SBNO2: variants seen among roughly 807,000 people sequenced by gnomAD.
SBNO2 encodes strawberry notch homolog 2.
In SBNO2, 89 loss-of-function variants were observed where a neutral mutation model predicts 146.3. That is an observed-to-expected ratio of 0.61 (90% confidence interval 0.51 to 0.73). The LOEUF is 0.73. Ranked by LOEUF, SBNO2 falls within the 30% of genes least tolerant of loss-of-function variation. The pLI is 0.00. For synonymous variants in SBNO2, 1,147 were observed against 892.6 expected (o/e 1.29, Z -5.08); for missense variants, 2,092 against 2,003.7 (o/e 1.04, Z -0.84).
chr19:1,133,383 T>C lies in SBNO2; in HGVS notation c.280-5618A>G, dbSNP rs113983701. On this transcript the variant is annotated intron_variant, in intron 4 of 31. Coordinates refer to ENST00000361757, the MANE Select transcript of SBNO2 (RefSeq NM_014963.3). ...AGGGCTCGGGACAGTTCTGGGCTTG[T>C]AAGACTCCCGCCAGGGCTCTGAGGG... Among the ~76,000 whole-genome samples the C allele has an allele frequency of 8.0e-3, 1,214 of 152,096 alleles. 2 individuals are homozygous for C. Among genetic ancestry groups the C allele is most frequent in the Non-Finnish European group, 0.014 (961 of 67,916 alleles).
rs143649184 is a variant in SBNO2 at position 1,128,324 on chromosome 19, G to A, written c.280-559C>T. ...GCAGGGGCGGGGGCAGCCACGCCCA[G>A]AGGTGGGGCTCGCCATGGGGATGAC... On this transcript the variant is annotated intron_variant, in intron 4 of 31. Transcript: ENST00000361757. The A allele has an allele frequency of 2.3e-3, 844 of 372,506 alleles. 4 individuals are homozygous for A. Among genetic ancestry groups the A allele is most frequent in the Non-Finnish European group, 3.6e-3 (680 of 189,156 alleles). 23.1% of individuals were successfully genotyped at this position (372,506 alleles called of 1,614,324 possible).
At chr19:1,135,951 G>A (rs987711157) in intron 4 of SBNO2, among the ~76,000 whole-genome samples, 3 of 152,098 alleles carry the variant, frequency 2.0e-5, no homozygotes, top group African/African-American at 7.2e-5. Flanking sequence ...GTGTGATCAT[G>A]TCCTGGCACC....
chr19:1,150,703 G>A lies in SBNO2; in HGVS notation c.94-1261C>T, dbSNP rs1004683667. On this transcript the variant is annotated intron_variant, in intron 2 of 31. Coordinates refer to ENST00000361757, the MANE Select transcript of SBNO2 (RefSeq NM_014963.3). This position sits in a 1 kb window ranked among gnomAD's most constrained non-coding sequence, Gnocchi z 6.2. ...CCCCAGTGACCTCTCCCAGGCCCAC[G>A]TGAGCCCTGCTCCTCTATGAGGCCC... Among the ~76,000 whole-genome samples, 4 of 152,140 alleles carry A rather than the reference G, an allele frequency of 2.6e-5. No individual in the cohort carries two copies. Among genetic ancestry groups the A allele is most frequent in the East Asian group, 3.8e-4 (2 of 5,200 alleles).
At chr19:1,123,367 C>T (rs1253326236) in intron 7 of SBNO2, among the ~76,000 whole-genome samples, 167 bp downstream of exon 7, 3 of 152,250 alleles carry the variant, frequency 2.0e-5, no homozygotes, top group Admixed American at 6.5e-5. Flanking sequence ...CTGCGAACCC[C>T]GGTTTTGTAT....
At chr19:1,132,162 C>T (rs886661013) in intron 4 of SBNO2, 1 of 1,457,840 alleles carries the variant, frequency 6.9e-7, no homozygotes, top group African/African-American at 1.5e-5. Context: ...GGCCAGGGGT[C>T]CCCCAGGAAG....
rs1197589533 is a variant in SBNO2 at position 1,158,190 on chromosome 19, C to T, written c.-126-3788G>A. ...CTGATGTTCAGAACTGGCCACTGTG[C>T]GGACCCTCCCCCTGGGGGTCCCTGA... On this transcript the variant is annotated intron_variant, in intron 1 of 31. Transcript: ENST00000361757. The surrounding 1 kb of genome is among the most constrained non-coding windows in gnomAD (Gnocchi z 9.9). 2.6e-5 allele frequency among the ~76,000 whole-genome samples: 4 copies of T among 152,180 alleles called. No individual in the cohort carries two copies. Among genetic ancestry groups the T allele is most frequent in the African/African-American group, 4.8e-5 (2 of 41,432 alleles).
rs1468299915 is a variant in SBNO2, at chr19:1,112,541, G to A, written c.2380-4C>T. ...CCTCCGAGATGATGGCCACGAGCTA[G>A]GGGGAAAGAAGGGGCCGGGACACGG... is the stretch of plus-strand genomic sequence containing the variant. On this transcript the variant is annotated splice_region_variant and splice_polypyrimidine_tract_variant and intron_variant, in intron 20 of 31. Transcript: ENST00000361757. The surrounding 1 kb of genome is among the most constrained non-coding windows in gnomAD (Gnocchi z 5.9). The A allele has an allele frequency of 2.5e-6, 4 of 1,596,918 alleles. No homozygotes were observed. The highest frequency in any genetic ancestry group is 4.5e-5 in the East Asian group (2 of 44,558).
At position 1,108,854 on chromosome 19, in the gene SBNO2, C is replaced by G; in HGVS notation, c.3541G>C (p.Val1181Leu). The change falls in exon 31 of 32, where the codon GTC becomes CTC. Residue 1181 changes from valine (V) to leucine (L), a missense_variant. By Grantham distance (32) the Val-to-Leu change is conservative. Transcript: ENST00000361757. ...CTGCTGCTGCTGACGTCGGCCATGA[C>G]GGCGGCGATGCGGCCCCACACGCGC... is the stretch of plus-strand genomic sequence containing the variant. ...LLRVWGRIAA[V>L]MADVSSSSYL... is the part of the protein sequence containing the mutation. 6.3e-7 allele frequency: 1 copy of G among 1,597,286 alleles called. No individual in the cohort carries two copies. The highest frequency in any genetic ancestry group is 8.5e-7 in the Non-Finnish European group (1 of 1,177,618).
chr19:1,164,718 A>C (rs1341458968), intron 1 of SBNO2, among the ~76,000 whole-genome samples: 10 of 62,184 alleles, frequency 1.6e-4, no homozygotes, highest in South Asian at 1.1e-3. Context: ...GAGGAGGAGG[A>C]ACAGGAAGAG....
chr19:1,172,988 A>G (rs1262023710), intron 1 of SBNO2, among the ~76,000 whole-genome samples: 3 of 56,968 alleles, frequency 5.3e-5, no homozygotes, highest in African/African-American at 1.8e-4. Flanking sequence ...CACATTTAAG[A>G]GATTTTTTTT....
intron 4 of SBNO2, among the ~76,000 whole-genome samples, chr19:1,133,264 C>CT (rs1242539188): frequency 6.6e-6 from 1 of 152,142 alleles, no homozygotes; most frequent in Non-Finnish European, 1.5e-5. Flanking sequence ...GGCTCCTCCT[C>CT]TGTGAGGGGA....
chr19:1,147,546 G>A (rs1295443787), intron 3 of SBNO2, 126 bp from the exon 4 acceptor site: 3 of 556,240 alleles, frequency 5.4e-6, no homozygotes, highest in Admixed American at 4.1e-5. Context: ...GCCCAGCCCG[G>A]CAGGACCCAT....
At chr19:1,111,212 G>C in intron 24 of SBNO2, 119 bp from the exon 25 acceptor site, 2 of 1,027,638 alleles carry the variant, frequency 1.9e-6, no homozygotes, top group Non-Finnish European at 1.4e-6. Context: ...CTGCAGCCTA[G>C]GGCCAGGGCC....
intron 1 of SBNO2, chr19:1,168,748 C>G (rs147615828): frequency 1.3e-5 from 2 of 152,252 alleles, no homozygotes; most frequent in Non-Finnish European, 2.9e-5. Flanking sequence ...CAGCCGACGG[C>G]GGTCCGGGGC....
Position 1,125,937 on chromosome 19 carries a change from TG to T in SBNO2, c.441+1666del, listed in dbSNP as rs774061230. Among the ~76,000 whole-genome samples, 18 of 152,170 alleles carry T rather than the reference TG, an allele frequency of 1.2e-4. No homozygotes were observed. The East Asian group carries it at 3.5e-3, about 29-fold the overall frequency. On this transcript the variant is annotated intron_variant, in intron 5 of 31. Coordinates refer to ENST00000361757, the MANE Select transcript of SBNO2 (RefSeq NM_014963.3). ...TTAACCCAGAAGGTCGAGGCTGAAA[TG>T]GGCTGAGGTTGCGCCACCACACTCC...
chr19:1,133,568 G>C (rs938698341), intron 4 of SBNO2, among the ~76,000 whole-genome samples: 5 of 152,210 alleles, frequency 3.3e-5, no homozygotes, highest in African/African-American at 1.2e-4. Flanking sequence ...CCCTTGCCAC[G>C]ACCCATCACC....
Position 1,112,168 on chromosome 19 carries a change from G to C in SBNO2, c.2628+21C>G. 6.3e-7 allele frequency: 1 copy of C among 1,584,608 alleles called. No homozygotes were observed. Among genetic ancestry groups the C allele is most frequent in the Non-Finnish European group, 8.6e-7 (1 of 1,165,198 alleles). ...TTCCTGGGCCTGTCCCTGGTTCTCA[G>C]CCCCACCCCCACCTGCTCACCAGAC... is the stretch of plus-strand genomic sequence containing the variant. On this transcript the variant is annotated intron_variant, in intron 22 of 31. Transcript: ENST00000361757. This position sits in a 1 kb window ranked among gnomAD's most constrained non-coding sequence, Gnocchi z 5.9.
Position 1,109,262 on chromosome 19 carries a change from G to C in SBNO2, c.3348+30C>G. ...TGGGCGGGGTCAGGGCCGGCAACCC[G>C]AGCGAAAGCTGCGCCCGGCGGCCGC... On this transcript the variant is annotated intron_variant, in intron 29 of 31. Coordinates refer to ENST00000361757, the MANE Select transcript of SBNO2 (RefSeq NM_014963.3). The surrounding 1 kb of genome is among the most constrained non-coding windows in gnomAD (Gnocchi z 4.2). The C allele has an allele frequency of 6.3e-7, 1 of 1,581,412 alleles. No homozygotes were observed. The highest frequency in any genetic ancestry group is 8.6e-7 in the Non-Finnish European group (1 of 1,164,524).
Position 1,119,094 on chromosome 19 carries a change from T to A in SBNO2, c.1444A>T (p.Ser482Cys). ...VSGMYIARQL[S>C]FSGVTFRIEE... ...ATGCGGAAGGTGACGCCGGAGAAGCTGAGCTGGCGTGCGATGTACATGCCG... is the reference window on the plus strand; with the variant it reads ...ATGCGGAAGGTGACGCCGGAGAAGCAGAGCTGGCGTGCGATGTACATGCCG... The change falls in exon 14 of 32, where the codon AGC (serine) becomes TGC (cysteine). Residue 482 changes from serine to cysteine, a missense_variant. Physicochemically the swap from Ser to Cys is moderately radical, Grantham distance 112. Transcript: ENST00000361757. 6.2e-7 allele frequency: 1 copy of A among 1,605,414 alleles called. No individual in the cohort carries two copies. Among genetic ancestry groups the A allele is most frequent in the Non-Finnish European group, 8.5e-7 (1 of 1,177,012 alleles).
Sources: allele counts gnomAD v4.1 joint callset (sites outside exome capture counted in the v4.1 genomes callset), GRCh38; gene constraint gnomAD v4.1.1; non-coding constraint Gnocchi (gnomAD v3.1); transcripts MANE v1.5; gene names NCBI Gene and HGNC (gene_info 2026-07-23, HGNC 2026-07-21).